Variants in WWP1 observed in about 807,000 individuals in gnomAD.
WWP1 encodes NEDD4-like E3 ubiquitin-protein ligase WWP1.
A neutral mutation model predicts 130.6 loss-of-function variants in WWP1; 49 were observed. The observed-to-expected ratio is 0.38, with a 90% CI of 0.30 to 0.48. The LOEUF is 0.48. WWP1 is among the 20% of genes least tolerant of loss of function. The probability of loss-of-function intolerance (pLI) is 0.99; values close to 1 mark genes in which losing one functional copy is unlikely to be tolerated. For missense variants in WWP1, 809 were observed against 1,100.6 expected (o/e 0.74, Z 3.75); for synonymous variants, 332 against 367.8 (o/e 0.90, Z 1.11).
intron 20 of WWP1, among the ~76,000 whole-genome samples, chr8:86,448,928 T>C (rs915054450): frequency 1.3e-5 from 2 of 152,164 alleles, no homozygotes; most frequent in Non-Finnish European, 2.9e-5. Context: ...TGACCTCCTG[T>C]GCTCAAGCAA....
intron 5 of WWP1, among the ~76,000 whole-genome samples, chr8:86,397,240 C>T (rs989246276): frequency 1.3e-5 from 2 of 152,118 alleles, no homozygotes; most frequent in African/African-American, 4.8e-5. Context: ...CAGAAAGCCA[C>T]TGAAGATCAG....
At chr8:86,423,618 A>G (rs998507156) in intron 9 of WWP1, among the ~76,000 whole-genome samples, 3 of 150,322 alleles carry the variant, frequency 2.0e-5, no homozygotes, top group Admixed American at 6.6e-5. Context: ...TCCTATGTCT[A>G]CTTCTTTCTA....
intron 18 of WWP1, among the ~76,000 whole-genome samples, chr8:86,445,104 T>C (rs545471765): frequency 6.6e-6 from 1 of 152,240 alleles, no homozygotes; most frequent in Non-Finnish European, 1.5e-5. Flanking sequence ...GCCATACTCT[T>C]TTTAAAACCA....
intron 3 of WWP1, among the ~76,000 whole-genome samples, chr8:86,377,250 TA>T (rs1171560128): frequency 5.5e-5 from 6 of 108,710 alleles, no homozygotes; most frequent in East Asian, 2.3e-4. Context: ...CATTCCTGTC[TA>T]ATTTTTTTTT....
intron 16 of WWP1, among the ~76,000 whole-genome samples, chr8:86,436,634 A>G (rs1353174404): frequency 6.6e-6 from 1 of 152,246 alleles, no homozygotes; most frequent in Non-Finnish European, 1.5e-5. Flanking sequence ...ATATTTGATG[A>G]ACAAATAAAT....
chr8:86,447,639 C>CTAAGG (rs1199040308), intron 18 of WWP1, among the ~76,000 whole-genome samples: 1 of 152,032 alleles, frequency 6.6e-6, no homozygotes, highest in Non-Finnish European at 1.5e-5. Context: ...CATGAGGGGG[C>CTAAGG]TAAGGTAGTA....
At chr8:86,465,520 A>G (rs910324654) in intron 24 of WWP1, among the ~76,000 whole-genome samples, 5 of 152,102 alleles carry the variant, frequency 3.3e-5, no homozygotes, top group African/African-American at 1.2e-4. Flanking sequence ...CAGCCACTCC[A>G]GGGACTGAGG....
chr8:86,364,831 G>A (rs1172024944), intron 1 of WWP1, among the ~76,000 whole-genome samples: 3 of 102,642 alleles, frequency 2.9e-5, no homozygotes, highest in Non-Finnish European at 6.8e-5. Flanking sequence ...AAGAAAGAAA[G>A]AAAGAGAGAG....
At chr8:86,343,723 T>C (rs929312366) in intron 1 of WWP1, among the ~76,000 whole-genome samples, 1 of 152,186 alleles carries the variant, frequency 6.6e-6, no homozygotes, top group Admixed American at 6.5e-5. Flanking sequence ...AATTTTGACA[T>C]TTTTACTCTT....
chr8:86,429,083 C>A (rs977232237), intron 11 of WWP1, among the ~76,000 whole-genome samples: 1 of 152,164 alleles, frequency 6.6e-6, no homozygotes, highest in Non-Finnish European at 1.5e-5. Context: ...TTTTGCTCTG[C>A]CATCCATATC....
At chr8:86,447,645 T>C (rs899161145) in intron 18 of WWP1, among the ~76,000 whole-genome samples, 1 of 152,100 alleles carries the variant, frequency 6.6e-6, no homozygotes, top group Admixed American at 6.5e-5. Flanking sequence ...GGGGCTAAGG[T>C]AGTATTAATA....
At chr8:86,350,560 A>T (rs1025012640) in intron 1 of WWP1, among the ~76,000 whole-genome samples, 2 of 152,198 alleles carry the variant, frequency 1.3e-5, no homozygotes, top group African/African-American at 4.8e-5. Flanking sequence ...ACTGAGAAAC[A>T]TGATTTATAG....
At chr8:86,380,066 A>G (rs1043771922) in intron 3 of WWP1, among the ~76,000 whole-genome samples, 3 of 152,232 alleles carry the variant, frequency 2.0e-5, no homozygotes, top group Admixed American at 2.0e-4. Flanking sequence ...ACAAATGTTC[A>G]TAACAGCTTT....
At chr8:86,414,022 CTTG>C (rs1033018088) in intron 9 of WWP1, among the ~76,000 whole-genome samples, 5 of 152,124 alleles carry the variant, frequency 3.3e-5, no homozygotes, top group Non-Finnish European at 7.3e-5. Flanking sequence ...CTTCAGCAGA[CTTG>C]TTGTCACCAC....
intron 1 of WWP1, among the ~76,000 whole-genome samples, chr8:86,363,811 A>G (rs1012738543): frequency 5.3e-5 from 8 of 151,866 alleles, no homozygotes; most frequent in South Asian, 2.1e-4. Flanking sequence ...AAAAAAAAAA[A>G]AAAGAAATTT....
rs7843434 is a variant in WWP1 at position 86,368,148 on chromosome 8, C to T, written c.-114-791C>T. ...AGTCATCTTTATTGAGTCTTTACTT[C>T]GTGTCATATACTCTAAGTGCTAAGT... is the stretch of plus-strand genomic sequence containing the variant. On this transcript the variant is annotated intron_variant, in intron 1 of 24. Coordinates refer to ENST00000517970, the MANE Select transcript of WWP1 (RefSeq NM_007013.4). 8.8e-3 allele frequency among the ~76,000 whole-genome samples: 1,340 copies of T among 152,248 alleles called. 15 individuals are homozygous for T. Among genetic ancestry groups the T allele is most frequent in the African/African-American group, 0.03 (1,258 of 41,562 alleles).
intron 1 of WWP1, among the ~76,000 whole-genome samples, chr8:86,367,333 T>A (rs1824028978): frequency 6.6e-6 from 1 of 152,250 alleles, no homozygotes; most frequent in African/African-American, 2.4e-5. Flanking sequence ...CTTTTCAAAG[T>A]CTTAACACTG....
chr8:86,371,457 C>T (rs577769468), intron 2 of WWP1, among the ~76,000 whole-genome samples: 56 of 152,286 alleles, frequency 3.7e-4, no homozygotes, highest in South Asian at 8.3e-4. Context: ...CGCCTACCAG[C>T]GGTGTATAAG....
At chr8:86,447,067 C>T (rs2130738951) in intron 18 of WWP1, among the ~76,000 whole-genome samples, 1 of 152,190 alleles carries the variant, frequency 6.6e-6, no homozygotes, top group South Asian at 2.1e-4. Flanking sequence ...AGAGTGAATG[C>T]AGTAGGGAAA....
Sources: allele counts gnomAD v4.1 joint callset (sites outside exome capture counted in the v4.1 genomes callset), GRCh38; gene constraint gnomAD v4.1.1; transcripts MANE v1.5; gene names NCBI Gene and HGNC (gene_info 2026-07-23, HGNC 2026-07-21).